SGK3: variants seen among roughly 807,000 people sequenced by gnomAD.
The protein encoded by SGK3 is serum/glucocorticoid regulated kinase family member 3.
SGK3 carries 47 observed loss-of-function variants against 68.5 expected under a neutral mutation model. That is an observed-to-expected ratio of 0.69 (90% CI 0.54 to 0.87). The LOEUF is 0.87. Among genes scored for constraint, SGK3 ranks in the 40% least tolerant of loss-of-function variants. The probability of loss-of-function intolerance (pLI) is 0.00; values close to 1 mark genes in which losing one functional copy is unlikely to be tolerated. For synonymous variants in SGK3, 181 were observed against 189.1 expected, an observed-to-expected ratio of 0.96 and a Z score of 0.35; for missense variants, 479 against 575.5, an observed-to-expected ratio of 0.83 and a Z score of 1.72.
At chr8:66,767,558 C>G in intron 1 of SGK3, 1 of 1,477,334 alleles carries the variant, frequency 6.8e-7, no homozygotes, top group African/African-American at 1.4e-5. Context: ...CTCTCCTCAT[C>G]AAGTATCATG....
chr8:66,723,497 G>A (rs967026946), intron 1 of SGK3, among the ~76,000 whole-genome samples: 2 of 151,988 alleles, frequency 1.3e-5, no homozygotes, highest in Non-Finnish European at 2.9e-5. Context: ...AAGCTGGAGT[G>A]CAGTGGTGCA....
intron 1 of SGK3, among the ~76,000 whole-genome samples, chr8:66,774,420 A>G (rs551144805): frequency 1.3e-5 from 2 of 152,088 alleles, no homozygotes; most frequent in African/African-American, 4.8e-5. Context: ...GACTCAGCCC[A>G]TGGAGTAGCT....
intron 1 of SGK3, chr8:66,775,637 G>A (rs1330028498): frequency 2.0e-5 from 3 of 152,308 alleles, no homozygotes; most frequent in Non-Finnish European, 4.4e-5. Context: ...GAAGCCCCAG[G>A]TACTGTCAAG....
chr8:66,786,999 A>G (rs1441526449), intron 1 of SGK3, among the ~76,000 whole-genome samples: 7 of 120,436 alleles, frequency 5.8e-5, no homozygotes, highest in Admixed American at 2.4e-4. Flanking sequence ...GTGCAGTAGC[A>G]CCATCTTGGC....
In SGK3 at chr8:66,850,861, T is replaced by C; in HGVS notation, c.1261T>C (p.Ser421Pro). The change falls in exon 16 of 17, where the codon TCA becomes CCA. Residue 421 changes from serine (S) to proline (P), a missense_variant. Physicochemically the swap from Ser to Pro is moderately conservative, Grantham distance 74 (BLOSUM62 -1). Around this residue, in one of 3 missense-constraint regions of SGK3, gnomAD observed 173 missense variants for 214.3 expected, o/e 0.81. Coordinates refer to ENST00000521198, the MANE Select transcript of SGK3 (RefSeq NM_001033578.3). ...LEIQNHPFFE[S>P]LSWADLVQKK... is the part of the protein sequence containing the mutation. ...AATTCAGAATCATCCTTTTTTTGAA[T>C]CACTCAGCTGGGCTGACCTTGTACA... 6.2e-7 allele frequency: 1 copy of C among 1,610,518 alleles called. No homozygotes were observed. The highest frequency in any genetic ancestry group is 8.5e-7 in the Non-Finnish European group (1 of 1,178,200).
chr8:66,767,979 C>T, intron 1 of SGK3: 1 of 830,000 alleles, frequency 1.2e-6, no homozygotes, highest in East Asian at 2.5e-5. Context: ...CTTCGTTTTC[C>T]TTATCAACAT....
chr8:66,760,767 AC>A lies in SGK3; in HGVS notation c.-121-32848del, dbSNP rs546955242. Among the ~76,000 whole-genome samples, 70 of 152,336 alleles carry A rather than the reference AC, an allele frequency of 4.6e-4. 1 individual carries two copies. In the South Asian group the frequency reaches 0.013, roughly 28 times the overall value. On this transcript the variant is annotated intron_variant, in intron 1 of 16. Transcript: ENST00000521198. Reference sequence around the variant, plus strand: ...AGTTTAGATTGCATCTCAAACAATCACACAAGGGCTTTTCTTCTAATCATAA... The same window carrying A: ...AGTTTAGATTGCATCTCAAACAATCAACAAGGGCTTTTCTTCTAATCATAA...
At chr8:66,826,117 C>T (rs752350253) in intron 6 of SGK3, among the ~76,000 whole-genome samples, 12 of 152,080 alleles carry the variant, frequency 7.9e-5, no homozygotes, top group Admixed American at 3.9e-4. Flanking sequence ...GGACTACAGG[C>T]GCACGCCACC....
intron 1 of SGK3, among the ~76,000 whole-genome samples, chr8:66,748,885 TTTTATTTATTTA>T (rs199925799): frequency 6.6e-6 from 1 of 151,642 alleles, no homozygotes; most frequent in Non-Finnish European, 1.5e-5. Context: ...TCTCACTAGA[TTTTATTTATTTA>T]TTTATTTATT....
At chr8:66,794,617 A>T (rs1354322258) in intron 2 of SGK3, among the ~76,000 whole-genome samples, 2 of 152,148 alleles carry the variant, frequency 1.3e-5, no homozygotes, top group African/African-American at 4.8e-5. Flanking sequence ...TAATAATTTA[A>T]CCAGGTCTCA....
At chr8:66,774,511 AATAG>A (rs1806618691) in intron 1 of SGK3, among the ~76,000 whole-genome samples, 1 of 151,950 alleles carries the variant, frequency 6.6e-6, no homozygotes, top group South Asian at 2.1e-4. Context: ...CAGATGCATT[AATAG>A]TTAAAACAAG....
intron 1 of SGK3, among the ~76,000 whole-genome samples, chr8:66,779,561 A>AAAAT (rs1554598043): frequency 2.2e-5 from 2 of 89,386 alleles, no homozygotes; most frequent in East Asian, 3.8e-4. Context: ...TATGTGTGTG[A>AAAAT]ATATATATAT....
intron 4 of SGK3, among the ~76,000 whole-genome samples, chr8:66,805,364 A>G (rs146492563): frequency 0.031 from 4,614 of 151,138 alleles, 244 homozygotes; most frequent in African/African-American, 0.11. Flanking sequence ...CTAAAACTAC[A>G]AAAAATTAGC....
intron 1 of SGK3, among the ~76,000 whole-genome samples, chr8:66,777,181 C>T (rs948179199): frequency 6.6e-6 from 1 of 152,224 alleles, no homozygotes; most frequent in African/African-American, 2.4e-5. Flanking sequence ...GTATAGCTCA[C>T]TCCTTCACCT....
At chr8:66,795,023 A>G (rs963591088) in intron 2 of SGK3, among the ~76,000 whole-genome samples, 3 of 152,184 alleles carry the variant, frequency 2.0e-5, no homozygotes, top group Admixed American at 6.5e-5. Context: ...AGGCTCTGAC[A>G]TGTCCTTCAC....
At position 66,843,504 on chromosome 8, in the gene SGK3, G is replaced by T; in HGVS notation, c.1031G>T (p.Trp344Leu). 1 of 1,613,928 alleles carries T rather than the reference G, an allele frequency of 6.2e-7. No individual in the cohort carries two copies. The highest frequency in any genetic ancestry group is 8.5e-7 in the Non-Finnish European group (1 of 1,179,998). ...RKQPYDNTVDWWCLGAVLYEM... is the reference protein window; with the variant it reads ...RKQPYDNTVDLWCLGAVLYEM... ...CAGCCCTATGACAATACTGTAGATT[G>T]GTGGTGCCTTGGGGCTGTTCTGTAT... The change falls in exon 14 of 17, where the codon TGG becomes TTG. Residue 344 changes from tryptophan to leucine, a missense_variant. Trp to Leu is a moderately conservative substitution (Grantham distance 61). Coordinates refer to ENST00000521198, the MANE Select transcript of SGK3 (RefSeq NM_001033578.3).
chr8:66,713,448 C>T (rs569810419), intron 1 of SGK3, among the ~76,000 whole-genome samples: 1 of 152,310 alleles, frequency 6.6e-6, no homozygotes, highest in Admixed American at 6.5e-5. Flanking sequence ...AAACTTAAAA[C>T]GCTTTCATTG....
At chr8:66,827,974 A>G (rs1185134642) in intron 6 of SGK3, among the ~76,000 whole-genome samples, 1 of 152,018 alleles carries the variant, frequency 6.6e-6, no homozygotes, top group Non-Finnish European at 1.5e-5. Flanking sequence ...ATACAAAAAA[A>G]TTAGCCGGGT....
chr8:66,825,052 T>G (rs1031632263), intron 6 of SGK3, among the ~76,000 whole-genome samples: 2 of 152,210 alleles, frequency 1.3e-5, no homozygotes, highest in Admixed American at 6.5e-5. Flanking sequence ...TTGCTACTCA[T>G]GTGAGACTAG....
Sources: allele counts gnomAD v4.1 joint callset (sites outside exome capture counted in the v4.1 genomes callset), GRCh38; gene constraint gnomAD v4.1.1; regional missense constraint gnomAD v4.1.1; transcripts MANE v1.5; gene names NCBI Gene and HGNC (gene_info 2026-07-23, HGNC 2026-07-21).